Variants in PCDHGA1 observed in about 807,000 individuals in gnomAD.
PCDHGA1 encodes the protein protocadherin gamma subfamily A, 1, also known as protocadherin gamma-A1.
Under a neutral mutation model 58.0 loss-of-function variants are expected in PCDHGA1, and 32 were observed. That is an observed-to-expected ratio of 0.55 (90% CI 0.42 to 0.74). The LOEUF is 0.74. PCDHGA1 is among the 30% of genes least tolerant of loss of function. The pLI is 0.00. For synonymous variants in PCDHGA1, 498 were observed against 501.1 expected (o/e 0.99, Z 0.08); for missense variants, 1,205 against 1,182.3 (o/e 1.02, Z -0.28).
intron 1 of PCDHGA1, chr5:141,394,551 C>T: frequency 6.2e-7 from 1 of 1,614,138 alleles, no homozygotes; most frequent in Non-Finnish European, 8.5e-7. Context: ...GCTGGCGCCC[C>T]GCTCCGCAGA....
intron 1 of PCDHGA1, chr5:141,350,971 C>T (rs772425962): frequency 6.2e-7 from 1 of 1,614,080 alleles, no homozygotes. Flanking sequence ...ATAATGCTCC[C>T]GTGTTTAGCC....
intron 2 of PCDHGA1, among the ~76,000 whole-genome samples, chr5:141,500,453 C>T (rs1403599390): frequency 6.6e-6 from 1 of 152,130 alleles, no homozygotes; most frequent in South Asian, 2.1e-4. Context: ...TCGTGATCCG[C>T]CCGCCTCGGC....
At chr5:141,387,534 G>T in intron 1 of PCDHGA1, among the ~76,000 whole-genome samples, 1 of 152,198 alleles carries the variant, frequency 6.6e-6, no homozygotes, top group East Asian at 1.9e-4. Context: ...ACGTATCCAC[G>T]TAGTTTTTGT....
At chr5:141,437,381 C>T (rs2097879875) in intron 1 of PCDHGA1, among the ~76,000 whole-genome samples, 1 of 152,222 alleles carries the variant, frequency 6.6e-6, no homozygotes, top group Non-Finnish European at 1.5e-5. Flanking sequence ...AGTCAGAAGA[C>T]ATTCATCCAC....
intron 1 of PCDHGA1, chr5:141,414,929 C>T (rs2095802879): frequency 6.2e-7 from 1 of 1,614,152 alleles, no homozygotes; most frequent in Non-Finnish European, 8.5e-7. Context: ...GCGCCCCGCT[C>T]CGCAGAGCCC....
At chr5:141,376,185 C>A (rs1772389815) in intron 1 of PCDHGA1, 9 of 1,614,158 alleles carry the variant, frequency 5.6e-6, no homozygotes, top group Non-Finnish European at 7.6e-6. Context: ...GCCGCGGTCT[C>A]CTGCGTCTTC....
At chr5:141,479,120 A>T (rs1278879959) in intron 1 of PCDHGA1, among the ~76,000 whole-genome samples, 1 of 152,232 alleles carries the variant, frequency 6.6e-6, no homozygotes, top group Non-Finnish European at 1.5e-5. Context: ...TTCTACTGGA[A>T]ATGATGTGCA....
intron 1 of PCDHGA1, chr5:141,419,932 C>T: frequency 6.2e-7 from 1 of 1,614,090 alleles, no homozygotes; most frequent in Non-Finnish European, 8.5e-7. Flanking sequence ...TGCAGTTTTA[C>T]CTGGTGGTGG....
At chr5:141,376,106 C>A (rs747782630) in intron 1 of PCDHGA1, 2 of 1,613,796 alleles carry the variant, frequency 1.2e-6, no homozygotes, top group East Asian at 4.5e-5. Context: ...CCTGGCCGAC[C>A]TGGGCAGCCT....
At chr5:141,396,406 G>A (rs1245754617) in intron 1 of PCDHGA1, 2 of 152,190 alleles carry the variant, frequency 1.3e-5, no homozygotes, top group African/African-American at 4.8e-5. Context: ...ATCACCTGAG[G>A]TCAGGAGTTC....
At chr5:141,388,085 C>G in intron 1 of PCDHGA1, 1 of 1,363,472 alleles carries the variant, frequency 7.3e-7, no homozygotes, top group Non-Finnish European at 1.0e-6. Context: ...GAAAACTGCG[C>G]GTCAGTTCGG....
At chr5:141,430,484 C>T (rs894612928) in intron 1 of PCDHGA1, 2 of 256,238 alleles carry the variant, frequency 7.8e-6, no homozygotes, top group African/African-American at 4.4e-5. Context: ...GATATAAAAA[C>T]GAAATATCCT....
At chr5:141,455,607 G>A (rs2098827849) in intron 1 of PCDHGA1, among the ~76,000 whole-genome samples, 1 of 152,248 alleles carries the variant, frequency 6.6e-6, no homozygotes, top group East Asian at 1.9e-4. Context: ...GGGCGCCATG[G>A]ATGTTCTAAA....
chr5:141,389,223 G>T, intron 1 of PCDHGA1: 3 of 1,613,994 alleles, frequency 1.9e-6, no homozygotes, highest in East Asian at 2.2e-5. Flanking sequence ...AAATGACAAC[G>T]CTCCGGTTTT....
intron 1 of PCDHGA1, chr5:141,389,928 C>A: frequency 6.2e-7 from 1 of 1,614,068 alleles, no homozygotes. Flanking sequence ...CCCCTCTGAC[C>A]TCCAGGCTGA....
chr5:141,351,850 C>T (rs1451571562), intron 1 of PCDHGA1: 1 of 1,613,256 alleles, frequency 6.2e-7, no homozygotes. Context: ...CACTGCAGGC[C>T]AGGGACCAGG....
At chr5:141,404,912 C>T (rs761969782) in intron 1 of PCDHGA1, 31 of 1,613,946 alleles carry the variant, frequency 1.9e-5, no homozygotes, top group Non-Finnish European at 2.5e-5. Flanking sequence ...CCAGCCCCCT[C>T]TCTCGGCCAC....
chr5:141,401,841 CACTT>C (rs1043132396), intron 1 of PCDHGA1, among the ~76,000 whole-genome samples: 6 of 152,114 alleles, frequency 3.9e-5, no homozygotes, highest in Non-Finnish European at 8.8e-5. Flanking sequence ...CTTATAATAC[CACTT>C]ACTTTTAACC....
chr5:141,360,383 A>G, intron 1 of PCDHGA1: 1 of 1,613,868 alleles, frequency 6.2e-7, no homozygotes, highest in Non-Finnish European at 8.5e-7. Context: ...GAAAGCGGAG[A>G]CTTACTTGTG....
Sources: gnomAD v4.1 joint callset for allele counts (sites outside exome capture counted in the v4.1 genomes callset) on GRCh38, gnomAD v4.1.1 for gene constraint, MANE v1.5 for transcripts, NCBI Gene and HGNC (gene_info 2026-07-23, HGNC 2026-07-21) for gene names.